Variants in ANXA13 observed in about 807,000 individuals in gnomAD.
ANXA13 encodes annexin XIII.
Under a neutral mutation model 46.6 loss-of-function variants are expected in ANXA13, and 36 were observed. That is an observed-to-expected ratio of 0.77 (90% CI 0.59 to 1.02). ANXA13 has a LOEUF of 1.02. Among genes scored for constraint, ANXA13 ranks in the 50% least tolerant of loss-of-function variants. The pLI is 0.00. For synonymous variants in ANXA13, 163 were observed against 152.9 expected (o/e 1.07, Z -0.49); for missense variants, 417 against 396.5 (o/e 1.05, Z -0.44).
chr8:123,688,730 A>ACT, intron 9 of ANXA13, 141 bp downstream of exon 9: 1 of 696,962 alleles, frequency 1.4e-6, no homozygotes, highest in Non-Finnish European at 2.5e-6. Flanking sequence ...CATCACAGTC[A>ACT]CTCTCTCTCT....
chr8:123,726,205 G>A (rs1015004192), intron 1 of ANXA13, among the ~76,000 whole-genome samples: 1 of 152,114 alleles, frequency 6.6e-6, no homozygotes, highest in Non-Finnish European at 1.5e-5. Flanking sequence ...TTCCATGTTG[G>A]CATTTCAGCA....
At position 123,712,738 on chromosome 8, in the gene ANXA13, G is replaced by A. The variant is rs1813683558; in HGVS notation, c.31C>T (p.Pro11Ser). 1.9e-6 allele frequency: 3 copies of A among 1,614,044 alleles called. No individual in the cohort carries two copies. The highest frequency in any genetic ancestry group is 1.7e-5 in the Admixed American group (1 of 60,004). Residue 11 changes from proline (P) to serine (S), a missense_variant, in exon 2 of 11, where the codon CCT (proline) becomes TCT (serine). Pro to Ser is a moderately conservative substitution (Grantham distance 74). Coordinates refer to ENST00000419625, the MANE Select transcript of ANXA13 (RefSeq NM_004306.4). ...TCTCGATCCACATCAAAACCCTGAG[G>A]ACTGCTCGCTTTAGCCTGGAGAAAA... is the stretch of plus-strand genomic sequence containing the variant. The part of the protein sequence containing the change: MGNRHAKASS[P>S]QGFDVDRDAK...
chr8:123,697,855 G>A (rs1305679967), intron 4 of ANXA13, among the ~76,000 whole-genome samples: 2 of 152,248 alleles, frequency 1.3e-5, no homozygotes, highest in Non-Finnish European at 2.9e-5. Flanking sequence ...CCCTGCAAAG[G>A]TGGCATGTGC....
chr8:123,684,751 G>A (rs776041370), intron 9 of ANXA13, 29 bp from the exon 10 acceptor site: 3 of 1,539,238 alleles, frequency 1.9e-6, no homozygotes, highest in South Asian at 1.1e-5. Flanking sequence ...AAGAGAATGT[G>A]AGGCTTTCAC....
chr8:123,688,385 T>C (rs1813176781), intron 9 of ANXA13, among the ~76,000 whole-genome samples: 1 of 152,220 alleles, frequency 6.6e-6, no homozygotes, highest in Non-Finnish European at 1.5e-5. Context: ...TGTGAGTCCA[T>C]TAAGCATCTT....
chr8:123,725,051 G>A (rs553733659), intron 1 of ANXA13, among the ~76,000 whole-genome samples: 1 of 152,130 alleles, frequency 6.6e-6, no homozygotes, highest in Non-Finnish European at 1.5e-5. Flanking sequence ...TCAGAGGATA[G>A]GACCTTACCC....
In ANXA13 at chr8:123,698,481, C is replaced by A. The variant is rs765446956; in HGVS notation, c.265G>T (p.Glu89Ter). Residue 89 changes from glutamate to a stop codon, truncating the protein, a stop_gained, in exon 4 of 11, where the codon GAG becomes TAG. Transcript: ENST00000419625. LOFTEE classifies it high-confidence loss of function. ...TALALLDRPS[E>*]YAARQLQKAM... ...TTCTGCAGCTGCCGGGCGGCGTACT[C>A]GCTGGGACGGTCCAGAAGGGCCAAC... The A allele has an allele frequency of 1.2e-6, 2 of 1,614,198 alleles. No individual in the cohort carries two copies. The highest frequency in any genetic ancestry group is 4.5e-5 in the East Asian group (2 of 44,878).
intron 1 of ANXA13, among the ~76,000 whole-genome samples, chr8:123,726,732 T>C (rs949136343): frequency 1.3e-5 from 2 of 152,230 alleles, no homozygotes; most frequent in Non-Finnish European, 2.9e-5. Flanking sequence ...GGAGTCATTA[T>C]ATGAAAAAGA....
chr8:123,694,994 G>A (rs954800544), intron 6 of ANXA13, among the ~76,000 whole-genome samples: 1 of 152,078 alleles, frequency 6.6e-6, no homozygotes, highest in African/African-American at 2.4e-5. Context: ...AGGTCTCGGG[G>A]GGCTGTGTCC....
intron 6 of ANXA13, among the ~76,000 whole-genome samples, chr8:123,694,532 T>C (rs1003063527): frequency 2.0e-5 from 3 of 152,268 alleles, no homozygotes; most frequent in Admixed American, 6.5e-5. Context: ...CTCTAGGAGC[T>C]GATAGTAGCT....
chr8:123,688,851 C>A lies in ANXA13; in HGVS notation c.718+20G>T. On this transcript the variant is annotated intron_variant, in intron 9 of 10. Transcript: ENST00000419625. ...CAGGCAGCCCAACCTAAGACAGGAGCTCTCCTAACTTTACTTTACCGAGAG... is the reference window on the plus strand; with the variant it reads ...CAGGCAGCCCAACCTAAGACAGGAGATCTCCTAACTTTACTTTACCGAGAG... The A allele has an allele frequency of 6.2e-7, 1 of 1,611,184 alleles. No homozygotes were observed. Among genetic ancestry groups the A allele is most frequent in the Non-Finnish European group, 8.5e-7 (1 of 1,177,534 alleles).
At position 123,695,502 on chromosome 8, in the gene ANXA13, C is replaced by T. The variant is rs1005440191; in HGVS notation, c.471G>A (p.Gln157=). The part of the protein sequence containing the change: ...NLKKILVSLL[Q]ANRNEGDDVD... ...ACAGGTGACACCTCTTTCCTCTTAC[C>T]TGCAGCAGAGACACCAGGATTTTTT... Residue 157 remains glutamine, a splice_region_variant and synonymous_variant, in exon 6 of 11, where the codon CAG becomes CAA. Transcript: ENST00000419625. The T allele has an allele frequency of 4.3e-6, 7 of 1,612,958 alleles. No homozygotes were observed. The highest frequency in any genetic ancestry group is 1.1e-5 in the South Asian group (1 of 91,012).
intron 4 of ANXA13, 84 bp from the exon 5 acceptor site, chr8:123,695,805 A>T (rs1813320823): frequency 8.3e-7 from 1 of 1,206,148 alleles, no homozygotes; most frequent in African/African-American, 1.5e-5. Flanking sequence ...GCGGGAGACC[A>T]TGTCTGGACA....
intron 1 of ANXA13, among the ~76,000 whole-genome samples, chr8:123,730,996 C>T (rs983013517): frequency 1.3e-5 from 2 of 152,140 alleles, no homozygotes; most frequent in Non-Finnish European, 2.9e-5. Flanking sequence ...GGTGGGAGTT[C>T]CCCATAGTCA....
At chr8:123,729,305 A>G (rs1012210162) in intron 1 of ANXA13, 3 of 152,218 alleles carry the variant, frequency 2.0e-5, no homozygotes, top group Non-Finnish European at 2.9e-5. Flanking sequence ...GAAAACAAAA[A>G]GCTTATTTTC....
At chr8:123,735,107 A>T (rs1321361970) in intron 1 of ANXA13, among the ~76,000 whole-genome samples, 2 of 134,504 alleles carry the variant, frequency 1.5e-5, no homozygotes, top group Non-Finnish European at 3.2e-5. Context: ...AAAACCAAGT[A>T]AAACTCAAAA....
In ANXA13 at chr8:123,717,357, C is replaced by A. The variant is rs1369274281; in HGVS notation, c.16-4604G>T. Among the ~76,000 whole-genome samples, 4 of 152,140 alleles carry A rather than the reference C, an allele frequency of 2.6e-5. No homozygotes were observed. The East Asian group carries it at 7.7e-4, about 29-fold the overall frequency. On this transcript the variant is annotated intron_variant, in intron 1 of 10. Transcript: ENST00000419625. ...CCTGTCTCTTTGGGTCATTTCTTGG[C>A]TTTTTGCCTTGTGATAAGATTTCAT...
At chr8:123,698,332 C>A in intron 4 of ANXA13, 57 bp downstream of exon 4, 2 of 1,578,100 alleles carry the variant, frequency 1.3e-6, no homozygotes, top group Non-Finnish European at 1.7e-6. Context: ...TTCTGGGGGG[C>A]TGCAACCATC....
At chr8:123,736,847 C>A (rs895531703) in intron 1 of ANXA13, among the ~76,000 whole-genome samples, 2 of 113,458 alleles carry the variant, frequency 1.8e-5, no homozygotes, top group Admixed American at 1.1e-4. Flanking sequence ...ATCCCCAGTG[C>A]TTTTTTTTTT....
Sources: allele counts gnomAD v4.1 joint callset (sites outside exome capture counted in the v4.1 genomes callset), GRCh38; gene constraint gnomAD v4.1.1; transcripts MANE v1.5; gene names NCBI Gene and HGNC (gene_info 2026-07-23, HGNC 2026-07-21).